The following CROT variants were observed in gnomAD, a reference collection of about 807,000 sequenced individuals.
The protein encoded by CROT is peroxisomal carnitine O-octanoyltransferase.
In CROT, 84 loss-of-function variants were observed where a neutral mutation model predicts 89.2. That is an observed-to-expected ratio of 0.94 (90% CI 0.79 to 1.13). The LOEUF is 1.13. Ranked by LOEUF, CROT falls within the 50% of genes most tolerant of loss-of-function variation. CROT has a pLI of 0.00. For missense variants in CROT, 711 were observed against 727.8 expected, an observed-to-expected ratio of 0.98 and a Z score of 0.27; for synonymous variants, 212 against 239.5, an observed-to-expected ratio of 0.89 and a Z score of 1.06.
Position 87,391,720 on chromosome 7 carries a change from T to A in CROT, c.1425+8T>A. ...CAGGATCCTTCTGTCAATGTGAGTA[T>A]TGGAAAGGAAAAAAACTCACAAGAT... is the stretch of plus-strand genomic sequence containing the variant. On this transcript the variant is annotated splice_region_variant and intron_variant, in intron 14 of 17. Transcript: ENST00000331536. 6.3e-7 allele frequency: 1 copy of A among 1,599,506 alleles called. No homozygotes were observed. The highest frequency in any genetic ancestry group is 1.1e-5 in the South Asian group (1 of 87,470).
chr7:87,383,497 C>CT (rs35655724), intron 13 of CROT, among the ~76,000 whole-genome samples: 2,278 of 130,414 alleles, frequency 0.017, 26 homozygotes, highest in African/African-American at 0.022. Flanking sequence ...ATGTATATCA[C>CT]TTTTTTTTTT....
chr7:87,391,219 T>C (rs953215846), intron 13 of CROT, among the ~76,000 whole-genome samples: 2 of 152,224 alleles, frequency 1.3e-5, no homozygotes, highest in African/African-American at 4.8e-5. Context: ...TGTAACCTAA[T>C]TGCAGATGTG....
intron 17 of CROT, among the ~76,000 whole-genome samples, chr7:87,397,854 C>T (rs1807590988): frequency 6.6e-6 from 1 of 152,100 alleles, no homozygotes; most frequent in Admixed American, 6.5e-5. Flanking sequence ...CATTACATTG[C>T]ACATTTTAAT....
At chr7:87,349,752 A>G (rs759314238) in intron 3 of CROT, among the ~76,000 whole-genome samples, 4 of 151,826 alleles carry the variant, frequency 2.6e-5, no homozygotes, top group Non-Finnish European at 4.4e-5. Flanking sequence ...AAATGGTGTT[A>G]CTCTGGCTCT....
chr7:87,390,369 T>C (rs1807320440), intron 13 of CROT, among the ~76,000 whole-genome samples: 1 of 152,202 alleles, frequency 6.6e-6, no homozygotes, highest in Non-Finnish European at 1.5e-5. Context: ...ATTATTTCAT[T>C]TGAGGTTACA....
At chr7:87,346,900 C>T (rs7807956) in intron 2 of CROT, among the ~76,000 whole-genome samples, 2,436 of 152,254 alleles carry the variant, frequency 0.016, 70 homozygotes, top group African/African-American at 0.053. Context: ...TTCACAAAAC[C>T]GAAACCAAGG....
At position 87,375,951 on chromosome 7, in the gene CROT, G is replaced by A; in HGVS notation, c.874G>A (p.Glu292Lys). 1 of 1,573,356 alleles carries A rather than the reference G, an allele frequency of 6.4e-7. No individual in the cohort carries two copies. Residue 292 changes from glutamate (E) to lysine (K), a missense_variant and splice_region_variant, in exon 9 of 18, where the codon GAG becomes AAG. By Grantham distance (56) the Glu-to-Lys change is moderately conservative. Coordinates refer to ENST00000331536, the MANE Select transcript of CROT (RefSeq NM_021151.4). ...SPHVTPEDYS[E>K]IIAAILIGDP... Reference sequence around the variant, plus strand: ...ACATGTAACACCAGAGGATTATTCTGAGGTACTTAACTACCTTCTCTTTTT... The same window carrying A: ...ACATGTAACACCAGAGGATTATTCTAAGGTACTTAACTACCTTCTCTTTTT...
At chr7:87,393,716 ATG>A (rs1807440060) in intron 17 of CROT, among the ~76,000 whole-genome samples, 1 of 152,210 alleles carries the variant, frequency 6.6e-6, no homozygotes, top group African/African-American at 2.4e-5. Context: ...ATTTAGCACT[ATG>A]TGAATAAGAA....
At chr7:87,358,850 G>C (rs1806184206) in intron 3 of CROT, among the ~76,000 whole-genome samples, 1 of 152,104 alleles carries the variant, frequency 6.6e-6, no homozygotes. Context: ...TGTTGTTCGA[G>C]TCAACCATGT....
chr7:87,385,395 G>T (rs1049106119), intron 13 of CROT, among the ~76,000 whole-genome samples: 2 of 151,770 alleles, frequency 1.3e-5, no homozygotes, highest in Admixed American at 6.6e-5. Context: ...TCCTTGTATT[G>T]ATTTTTTTAC....
At chr7:87,395,601 T>TA (rs1687037659) in intron 17 of CROT, among the ~76,000 whole-genome samples, 1 of 152,230 alleles carries the variant, frequency 6.6e-6, no homozygotes, top group South Asian at 2.1e-4. Flanking sequence ...AGGGAAAAGA[T>TA]AAACATCAGC....
At chr7:87,358,416 A>G (rs1283216484) in intron 3 of CROT, among the ~76,000 whole-genome samples, 1 of 141,846 alleles carries the variant, frequency 7.0e-6, no homozygotes, top group Non-Finnish European at 1.5e-5. Flanking sequence ...CAGGAGGCGG[A>G]GCTTGCAGTG....
rs534786104 is a variant in CROT, at chr7:87,368,769, A to T, written c.548-607A>T. On this transcript the variant is annotated intron_variant, in intron 6 of 17. Transcript: ENST00000331536. Reference sequence around the variant, plus strand: ...GACAAGTACCTAAAGATGGGGTTATATCAGAATAGTCTGAGGTTTACAGCA... The same window carrying T: ...GACAAGTACCTAAAGATGGGGTTATTTCAGAATAGTCTGAGGTTTACAGCA... 2.0e-5 allele frequency among the ~76,000 whole-genome samples: 3 copies of T among 152,332 alleles called. No individual in the cohort carries two copies. The East Asian group carries it at 5.8e-4, about 29-fold the overall frequency.
intron 3 of CROT, among the ~76,000 whole-genome samples, chr7:87,356,847 C>T (rs1806090910): frequency 6.6e-6 from 1 of 152,132 alleles, no homozygotes; most frequent in Non-Finnish European, 1.5e-5. Context: ...GATGGTGAAA[C>T]CTTGTCTCTA....
chr7:87,354,077 T>C (rs767249998), intron 3 of CROT, among the ~76,000 whole-genome samples: 23 of 152,336 alleles, frequency 1.5e-4, no homozygotes, highest in Non-Finnish European at 2.4e-4. Flanking sequence ...TTATTAAACA[T>C]GTTAAAAGGC....
chr7:87,374,125 T>C (rs1050563883), intron 7 of CROT, among the ~76,000 whole-genome samples: 2 of 152,032 alleles, frequency 1.3e-5, no homozygotes, highest in Non-Finnish European at 2.9e-5. Context: ...AATATATGAT[T>C]CTGTAATGCA....
chr7:87,389,894 G>A (rs943099852), intron 13 of CROT, among the ~76,000 whole-genome samples: 5 of 151,992 alleles, frequency 3.3e-5, no homozygotes, highest in Non-Finnish European at 1.5e-5. Context: ...GAAATTTCAC[G>A]CGGTATTTTT....
In CROT at chr7:87,393,055, T is replaced by G. The variant is rs760741631; in HGVS notation, c.1706T>G (p.Ile569Ser). ...VHNGYGFFYH[I>S]RDDRFVVACS... The stretch of plus-strand genomic sequence containing the variant: ...AATGGTTATGGATTTTTCTACCATA[T>G]CAGAGATGACAGGTGAGGCTTCTCT... Residue 569 changes from isoleucine (I) to serine (S), a missense_variant, in exon 17 of 18, where the codon ATC becomes AGC. Ile to Ser is a moderately radical substitution (Grantham distance 142). Coordinates refer to ENST00000331536, the MANE Select transcript of CROT (RefSeq NM_021151.4). The G allele has an allele frequency of 1.9e-6, 3 of 1,613,204 alleles. No homozygotes were observed. The highest frequency in any genetic ancestry group is 1.3e-5 in the African/African-American group (1 of 74,898).
chr7:87,369,279 A>G (rs1455003371), intron 6 of CROT, 97 bp from the exon 7 acceptor site: 1 of 705,432 alleles, frequency 1.4e-6, no homozygotes, highest in African/African-American at 1.8e-5. Flanking sequence ...TAAATAAAAT[A>G]CTGGAAGAAT....
Sources: gnomAD v4.1 joint callset for allele counts (sites outside exome capture counted in the v4.1 genomes callset) on GRCh38, gnomAD v4.1.1 for gene constraint, MANE v1.5 for transcripts, NCBI Gene and HGNC (gene_info 2026-07-23, HGNC 2026-07-21) for gene names.